Variants in WASHC4 observed in about 807,000 individuals in gnomAD.
WASHC4 encodes the protein WASH complex subunit 4, also known as WASH complex subunit 7.
In WASHC4, 86 loss-of-function variants were observed where a neutral mutation model predicts 166.6. The observed-to-expected ratio is 0.52, with a 90% CI of 0.43 to 0.62. The LOEUF is 0.62. WASHC4 is among the 20% of genes least tolerant of loss of function. The probability of loss-of-function intolerance (pLI) is 0.00; values close to 1 mark genes in which losing one functional copy is unlikely to be tolerated. For missense variants in WASHC4, 1,262 were observed against 1,382.4 expected (o/e 0.91, Z 1.38); for synonymous variants, 446 against 451.6 (o/e 0.99, Z 0.16).
intron 32 of WASHC4, 53 bp downstream of exon 32, chr12:105,164,793 C>A: frequency 8.6e-7 from 1 of 1,164,888 alleles, no homozygotes; most frequent in Non-Finnish European, 1.3e-6. Flanking sequence ...TAGTAATAGA[C>A]AGTAATGCAC....
intron 2 of WASHC4, among the ~76,000 whole-genome samples, chr12:105,113,337 A>AC (rs952064461): frequency 6.6e-6 from 1 of 151,988 alleles, no homozygotes; most frequent in Non-Finnish European, 1.5e-5. Flanking sequence ...GGATTATAAA[A>AC]TCTGTTTTTT....
rs142599800 is a variant in WASHC4, at chr12:105,147,937, G to T, written c.2514+791G>T. On this transcript the variant is annotated intron_variant, in intron 24 of 32. Transcript: ENST00000332180. ...AAAAAAACAAACAAAAACGAAATGG[G>T]CATTCACTTGAAGGAATTATTTGAA... 499 of 985,186 alleles carry T rather than the reference G, an allele frequency of 5.1e-4. 3 individuals are homozygous for T. In the African/African-American group the frequency reaches 8.3e-3, roughly 16 times the overall value. 61.0% of individuals were successfully genotyped at this position (985,186 alleles called of 1,614,324 possible). A position where few individuals can be genotyped will look rare whatever the true frequency, so the allele number is the denominator to read the frequency against.
chr12:105,166,561 T>C (rs1283588610), intron 32 of WASHC4, among the ~76,000 whole-genome samples: 1 of 152,094 alleles, frequency 6.6e-6, no homozygotes, highest in African/African-American at 2.4e-5. Context: ...AGACCAGGAA[T>C]ATCAAGATTC....
At chr12:105,132,225 G>A (rs1216259706) in intron 13 of WASHC4, among the ~76,000 whole-genome samples, 1 of 152,254 alleles carries the variant, frequency 6.6e-6, no homozygotes, top group Non-Finnish European at 1.5e-5. Flanking sequence ...CTGGAGTGCA[G>A]TGGCGTGATC....
intron 2 of WASHC4, among the ~76,000 whole-genome samples, chr12:105,112,099 T>G (rs1301737786): frequency 6.6e-6 from 1 of 152,216 alleles, no homozygotes; most frequent in Non-Finnish European, 1.5e-5. Flanking sequence ...CAATCTACTT[T>G]TTATCTCTAT....
intron 13 of WASHC4, among the ~76,000 whole-genome samples, chr12:105,127,857 G>A (rs982408237): frequency 4.0e-5 from 6 of 151,366 alleles, no homozygotes; most frequent in South Asian, 2.1e-4. Flanking sequence ...TTTTGTATAC[G>A]TCCTTATTTT....
Position 105,162,785 on chromosome 12 carries a change from GA to G in WASHC4, c.3102del (p.Lys1034AsnfsTer2), listed in dbSNP as rs34361294. On this transcript the variant is annotated frameshift_variant, in exon 30 of 33. Transcript: ENST00000332180. LOFTEE classifies it high-confidence loss of function. ...NFVEHSISCK[E>X]KLNKKNKIGA... ...TGTAGAGCATTCCATTAGTTGCAAG[GA>G]AAAATTAAATAAAAAAAATAAAATT... The G allele has an allele frequency of 6.2e-7, 1 of 1,603,430 alleles. No homozygotes were observed.
In WASHC4 at chr12:105,114,440, ATTC is replaced by A. The variant is rs1395357709; in HGVS notation, c.321+16_321+18del. ...ATTAAAATATGAGGTAATTATTTGA[ATTC>A]TTGTCTTAAAACTTTAAAAACATCA... On this transcript the variant is annotated intron_variant, in intron 4 of 32. Transcript: ENST00000332180. 2.6e-6 allele frequency: 4 copies of A among 1,529,280 alleles called. No individual in the cohort carries two copies. Among genetic ancestry groups the A allele is most frequent in the Non-Finnish European group, 3.6e-6 (4 of 1,116,964 alleles). The allele number at this position is 1,529,280 out of a possible 1,614,324, so 94.7% of individuals were successfully genotyped here. A position where few individuals can be genotyped will look rare whatever the true frequency, so the allele number is the denominator to read the frequency against.
intron 15 of WASHC4, among the ~76,000 whole-genome samples, chr12:105,139,425 G>GTGTGTGTGTGTGTGTGTGTATATATATA: frequency 9.7e-6 from 1 of 103,190 alleles, no homozygotes; most frequent in African/African-American, 3.6e-5. Flanking sequence ...ATGTGTGTGT[G>GTGTGTGTGTGTGTGTGTGTATATATATA]TATATATATA....
chr12:105,115,334 A>G (rs1410616991), intron 5 of WASHC4, 105 bp downstream of exon 5: 2 of 794,800 alleles, frequency 2.5e-6, no homozygotes, highest in Middle Eastern at 2.6e-4. Flanking sequence ...TGTGAGAAAA[A>G]TAAGTATTCA....
At chr12:105,120,969 G>A (rs1880681904) in intron 8 of WASHC4, 132 bp from the exon 9 acceptor site, 2 of 697,510 alleles carry the variant, frequency 2.9e-6, no homozygotes, top group Non-Finnish European at 5.2e-6. Flanking sequence ...CCAACCTGTA[G>A]CTGAATAAAT....
intron 13 of WASHC4, among the ~76,000 whole-genome samples, chr12:105,133,138 T>G (rs1410109632): frequency 6.6e-6 from 1 of 152,094 alleles, no homozygotes; most frequent in Non-Finnish European, 1.5e-5. Context: ...CACAAATCCC[T>G]TCCCCATCAC....
Position 105,117,694 on chromosome 12 carries a change from G to A in WASHC4, c.436-752G>A, listed in dbSNP as rs77236197. On this transcript the variant is annotated intron_variant, in intron 6 of 32. Transcript: ENST00000332180. ...TATGCTAGAAACTGTTATTGGTGCT[G>A]GTGATATAGCAATGCACAACACCAA... Among the ~76,000 whole-genome samples, 1,435 of 152,268 alleles carry A rather than the reference G, an allele frequency of 9.4e-3. 24 individuals are homozygous for A. Among genetic ancestry groups the A allele is most frequent in the African/African-American group, 0.032 (1,337 of 41,534 alleles).
rs550898034 is a variant in WASHC4 at position 105,132,403 on chromosome 12, C to T, written c.1200-1367C>T. Among the ~76,000 whole-genome samples the T allele has an allele frequency of 3.9e-5, 6 of 152,296 alleles. No homozygotes were observed. The South Asian group carries it at 1.2e-3, about 32-fold the overall frequency. On this transcript the variant is annotated intron_variant, in intron 13 of 32. Coordinates refer to ENST00000332180, the MANE Select transcript of WASHC4 (RefSeq NM_015275.3). ...GCGAGGCTGGTCACAAACTGCTGAC[C>T]TCAGGCAATCTGCCTGCCTCGGCCT...
At chr12:105,158,977 A>G (rs1470614234) in intron 28 of WASHC4, among the ~76,000 whole-genome samples, 1 of 152,200 alleles carries the variant, frequency 6.6e-6, no homozygotes, top group African/African-American at 2.4e-5. Context: ...AAATGCATGC[A>G]TTTCTGTGAG....
At chr12:105,126,589 A>G (rs1354520010) in intron 12 of WASHC4, among the ~76,000 whole-genome samples, 1 of 152,030 alleles carries the variant, frequency 6.6e-6, no homozygotes, top group Non-Finnish European at 1.5e-5. Context: ...GTTCCTGTAC[A>G]ACTTCTCTTA....
At chr12:105,153,709 T>C (rs559894051) in intron 26 of WASHC4, among the ~76,000 whole-genome samples, 1 of 152,338 alleles carries the variant, frequency 6.6e-6, no homozygotes, top group Admixed American at 6.5e-5. Context: ...GATTAAGAGC[T>C]GTCCTTCTAG....
intron 15 of WASHC4, among the ~76,000 whole-genome samples, chr12:105,139,731 T>C (rs1004632359): frequency 6.6e-6 from 1 of 151,936 alleles, no homozygotes. Flanking sequence ...TTTCATTCAT[T>C]TTGGGTCTTC....
Position 105,122,238 on chromosome 12 carries a change from G to T in WASHC4, c.786G>T (p.Gln262His). The part of the protein sequence containing the change: ...EGQLLDGMIF[Q>H]ACIEQQFDSL... ...AATTACTGGATGGAATGATATTCCA[G>T]GTAAGTAGGTCTGTATCAGACTGTA... is the stretch of plus-strand genomic sequence containing the variant. The change falls in exon 10 of 33, where the codon CAG becomes CAT. Residue 262 changes from glutamine (Q) to histidine (H), a missense_variant and splice_region_variant. Physicochemically the swap from Gln to His is conservative, Grantham distance 24. Coordinates refer to ENST00000332180, the MANE Select transcript of WASHC4 (RefSeq NM_015275.3). 1 of 1,611,984 alleles carries T rather than the reference G, an allele frequency of 6.2e-7. No individual in the cohort carries two copies. Among genetic ancestry groups the T allele is most frequent in the Non-Finnish European group, 8.5e-7 (1 of 1,179,410 alleles).
Sources: gnomAD v4.1 joint callset for allele counts (sites outside exome capture counted in the v4.1 genomes callset) on GRCh38, gnomAD v4.1.1 for gene constraint, MANE v1.5 for transcripts, NCBI Gene and HGNC (gene_info 2026-07-23, HGNC 2026-07-21) for gene names.